LRIG2: variants seen among roughly 807,000 people sequenced by gnomAD.
The protein encoded by LRIG2 is leucine-rich repeats and immunoglobulin-like domains protein 2.
In LRIG2, 93 loss-of-function variants were observed where a neutral mutation model predicts 107.8. The ratio of observed to expected loss-of-function variants is 0.86; its 90% CI spans 0.73 to 1.03. The LOEUF is 1.03. Ranked by LOEUF, LRIG2 falls within the 50% of genes least tolerant of loss-of-function variation. LRIG2 has a pLI of 0.00. For synonymous variants in LRIG2, 471 were observed against 470.6 expected (o/e 1.00, Z -0.01); for missense variants, 1,226 against 1,296.0 (o/e 0.95, Z 0.83).
intron 1 of LRIG2, among the ~76,000 whole-genome samples, chr1:113,076,400 G>C (rs1652986263): frequency 6.6e-6 from 1 of 152,164 alleles, no homozygotes; most frequent in Non-Finnish European, 1.5e-5. Flanking sequence ...TTTGATTTTT[G>C]TTTAATCAAG....
chr1:113,112,407 A>T (rs1570764306), intron 13 of LRIG2, 72 bp from the exon 14 acceptor site: 1 of 1,377,928 alleles, frequency 7.3e-7, no homozygotes, highest in African/African-American at 1.4e-5. Flanking sequence ...AGATTCTTTC[A>T]TGCCTATTTG....
rs1386645382 is a variant in LRIG2, at chr1:113,128,046, TTC to T, written c.*3946_*3947del. 3.9e-5 allele frequency: 6 copies of T among 152,190 alleles called. No homozygotes were observed. Among genetic ancestry groups the T allele is most frequent in the Non-Finnish European group, 8.8e-5 (6 of 68,032 alleles). 9.4% of individuals were successfully genotyped at this position (152,190 alleles called of 1,614,324 possible). Reference sequence around the variant, plus strand: ...AATCCAATATTACTCACTAGATAATTTCAGCCACTTAAATAAAAATATCTATT... The same window carrying T: ...AATCCAATATTACTCACTAGATAATTAGCCACTTAAATAAAAATATCTATT... On this transcript the variant is annotated 3_prime_UTR_variant, in exon 18 of 18. Coordinates refer to ENST00000361127, the MANE Select transcript of LRIG2 (RefSeq NM_014813.3).
Position 113,098,788 on chromosome 1 carries a change from A to G in LRIG2, c.1172+3A>G. The stretch of plus-strand genomic sequence containing the variant: ...GGACTCACAAGTCTCACTAAACTGT[A>G]TGTATTATAATATTTATGTATGTCT... On this transcript the variant is annotated splice_donor_region_variant and intron_variant, in intron 9 of 17. Coordinates refer to ENST00000361127, the MANE Select transcript of LRIG2 (RefSeq NM_014813.3). 6.4e-7 allele frequency: 1 copy of G among 1,557,144 alleles called. No individual in the cohort carries two copies. Among genetic ancestry groups the G allele is most frequent in the Non-Finnish European group, 8.9e-7 (1 of 1,128,456 alleles).
At chr1:113,074,307 T>C (rs762732733) in intron 1 of LRIG2, among the ~76,000 whole-genome samples, 2 of 152,208 alleles carry the variant, frequency 1.3e-5, no homozygotes, top group Non-Finnish European at 2.9e-5. Context: ...ATGCTTTGTT[T>C]TCAGCGCATC....
At position 113,127,250 on chromosome 1, in the gene LRIG2, C is replaced by T. The variant is rs1231966762; in HGVS notation, c.*3149C>T. 1 of 152,102 alleles carries T rather than the reference C, an allele frequency of 6.6e-6. No individual in the cohort carries two copies. Among genetic ancestry groups the T allele is most frequent in the Non-Finnish European group, 1.5e-5 (1 of 68,042 alleles). The allele number at this position is 152,102 out of a possible 1,614,324, so 9.4% of individuals were successfully genotyped here. A position where few individuals can be genotyped will look rare whatever the true frequency, so the allele number is the denominator to read the frequency against. The stretch of plus-strand genomic sequence containing the variant: ...TTTATTATTATTTGAGATGGAGTCC[C>T]TCTCGGTCACCCAGGCTGGAGCGCA... On this transcript the variant is annotated 3_prime_UTR_variant, in exon 18 of 18. Coordinates refer to ENST00000361127, the MANE Select transcript of LRIG2 (RefSeq NM_014813.3).
rs533863167 is a variant in LRIG2 at position 113,099,849 on chromosome 1, A to G, written c.1173-362A>G. 1.1e-4 allele frequency among the ~76,000 whole-genome samples: 16 copies of G among 152,274 alleles called. No individual in the cohort carries two copies. The South Asian group carries it at 2.9e-3, about 28-fold the overall frequency. On this transcript the variant is annotated intron_variant, in intron 9 of 17. Transcript: ENST00000361127. ...TTGTCTGAATTTCTTTCATCTGACA[A>G]TCTTTTGCTCTGAATGGAGACATGA... is the stretch of plus-strand genomic sequence containing the variant.
In LRIG2 at chr1:113,110,310, ACT is replaced by A. The variant is rs746235140; in HGVS notation, c.1549_1550del (p.Leu517AspfsTer9). On this transcript the variant is annotated frameshift_variant, in exon 13 of 18. Coordinates refer to ENST00000361127, the MANE Select transcript of LRIG2 (RefSeq NM_014813.3). LOFTEE classifies it high-confidence loss of function. Reference sequence around the variant, plus strand: ...AATTGCTCTAAGAGGCATGAATGTGACTCTGACGTGCACTGCAGTGAGCAGCA... The same window carrying A: ...AATTGCTCTAAGAGGCATGAATGTGACTGACGTGCACTGCAGTGAGCAGCA... ...TIIALRGMNV[T>X]LTCTAVSSSD... The A allele has an allele frequency of 6.2e-7, 1 of 1,614,038 alleles. No individual in the cohort carries two copies. Among genetic ancestry groups the A allele is most frequent in the Non-Finnish European group, 8.5e-7 (1 of 1,179,948 alleles).
chr1:113,087,600 C>T (rs1293078491), intron 1 of LRIG2, among the ~76,000 whole-genome samples: 1 of 152,174 alleles, frequency 6.6e-6, no homozygotes, highest in Non-Finnish European at 1.5e-5. Context: ...CCACCCACCT[C>T]GGCCTCCCAA....
rs775187009 is a variant in LRIG2, at chr1:113,114,741, G to A, written c.2395G>A (p.Glu799Lys). 1.9e-6 allele frequency: 3 copies of A among 1,614,170 alleles called. No homozygotes were observed. The highest frequency in any genetic ancestry group is 2.5e-6 in the Non-Finnish European group (3 of 1,180,032). Residue 799 changes from glutamate to lysine, a missense_variant, in exon 15 of 18, where the codon GAA (glutamate) becomes AAA (lysine). Around this residue, in one of 3 missense-constraint regions of LRIG2, gnomAD observed 642 missense variants for 712.2 expected, o/e 0.90. Transcript: ENST00000361127. ...CDSSQSSIGHEDDGWTTVGIV... is the reference protein window; with the variant it reads ...CDSSQSSIGHKDDGWTTVGIV... ...CTCTTCCCAGAGTAGCATTGGGCAT[G>A]AAGATGATGGCTGGACCACAGTTGG...
chr1:113,085,891 C>T (rs914380527), intron 1 of LRIG2, among the ~76,000 whole-genome samples: 4 of 151,548 alleles, frequency 2.6e-5, no homozygotes, highest in Admixed American at 6.6e-5. Flanking sequence ...AGACAATTTT[C>T]AGAGTTGTTT....
At chr1:113,109,809 G>A (rs759993268) in intron 12 of LRIG2, among the ~76,000 whole-genome samples, 30 of 152,254 alleles carry the variant, frequency 2.0e-4, no homozygotes, top group East Asian at 3.9e-4. Context: ...GTGAGCCACC[G>A]TGCCTGGCCA....
intron 2 of LRIG2, 54 bp downstream of exon 2, chr1:113,091,437 A>G (rs1422373786): frequency 8.4e-7 from 1 of 1,187,734 alleles, no homozygotes; most frequent in Non-Finnish European, 1.2e-6. Context: ...GGAACTTAAT[A>G]AATTGTGATT....
At chr1:113,111,986 C>A (rs747634245) in intron 13 of LRIG2, among the ~76,000 whole-genome samples, 2 of 152,154 alleles carry the variant, frequency 1.3e-5, no homozygotes, top group Non-Finnish European at 2.9e-5. Context: ...ATACCAGGTT[C>A]TAAAATACGA....
intron 1 of LRIG2, among the ~76,000 whole-genome samples, chr1:113,082,553 G>T (rs1653335790): frequency 6.6e-6 from 1 of 152,226 alleles, no homozygotes; most frequent in Non-Finnish European, 1.5e-5. Context: ...CAAAGGCAAA[G>T]CGGGAGCAGG....
Position 113,114,485 on chromosome 1 carries a change from G to A in LRIG2, c.2139G>A (p.Ala713=), listed in dbSNP as rs372169373. Residue 713 remains alanine (A), a synonymous_variant, in exon 15 of 18, where the codon GCG becomes GCA. Coordinates refer to ENST00000361127, the MANE Select transcript of LRIG2 (RefSeq NM_014813.3). ...EDKTVTRGET[A]VLQCIAGGSP... is the part of the protein sequence containing the mutation. ...AGACAGTAACACGAGGTGAAACTGC[G>A]GTGTTACAGTGCATAGCTGGAGGGA... 2.1e-5 allele frequency: 34 copies of A among 1,613,494 alleles called. No individual in the cohort carries two copies. The highest frequency in any genetic ancestry group is 6.7e-5 in the African/African-American group (5 of 74,720).
At chr1:113,118,866 G>A (rs1404729921) in intron 16 of LRIG2, among the ~76,000 whole-genome samples, 3 of 152,026 alleles carry the variant, frequency 2.0e-5, no homozygotes, top group Non-Finnish European at 4.4e-5. Flanking sequence ...GGGTTTCACC[G>A]TGTTAGCCAG....
rs2101076690 is a variant in LRIG2 at position 113,125,549 on chromosome 1, T to C, written c.*1448T>C. 6.6e-6 allele frequency: 1 copy of C among 152,328 alleles called. No homozygotes were observed. The highest frequency in any genetic ancestry group is 2.4e-5 in the African/African-American group (1 of 41,568). The allele number at this position is 152,328 out of a possible 1,614,324, so 9.4% of individuals were successfully genotyped here. Reference sequence around the variant, plus strand: ...GAACCAATGAGTTAGATCGGGTTGTTACTTTATGTATAATGAACGCTTCAA... The same window carrying C: ...GAACCAATGAGTTAGATCGGGTTGTCACTTTATGTATAATGAACGCTTCAA... On this transcript the variant is annotated 3_prime_UTR_variant, in exon 18 of 18. Transcript: ENST00000361127.
chr1:113,118,596 T>C (rs1465715356), intron 16 of LRIG2, among the ~76,000 whole-genome samples: 1 of 152,166 alleles, frequency 6.6e-6, no homozygotes, highest in Non-Finnish European at 1.5e-5. Context: ...GATGGTTCAG[T>C]GTAGTTTTCA....
At chr1:113,077,150 TC>T (rs1327127558) in intron 1 of LRIG2, among the ~76,000 whole-genome samples, 4 of 152,030 alleles carry the variant, frequency 2.6e-5, no homozygotes, top group African/African-American at 9.7e-5. Context: ...AAATTTTTTT[TC>T]TTTTTTTTTT....
Sources: allele counts gnomAD v4.1 joint callset (sites outside exome capture counted in the v4.1 genomes callset), GRCh38; gene constraint gnomAD v4.1.1; regional missense constraint gnomAD v4.1.1; transcripts MANE v1.5; gene names NCBI Gene and HGNC (gene_info 2026-07-23, HGNC 2026-07-21).